Variants in LTBP1 observed in about 807,000 individuals in gnomAD.
LTBP1 encodes latent transforming growth factor beta binding protein 1, also known as latent-transforming growth factor beta-binding protein 1.
LTBP1 carries 129 observed loss-of-function variants against 207.6 expected under a neutral mutation model. The observed-to-expected ratio is 0.62, with a 90% CI of 0.54 to 0.72. The LOEUF (loss-of-function observed/expected upper bound fraction) is 0.72, where lower values mean the gene tolerates loss of function less well. LTBP1 is among the 30% of genes least tolerant of loss of function. The pLI, the probability that LTBP1 is intolerant of heterozygous loss-of-function variation, is 0.00. For missense variants in LTBP1, 2,281 were observed against 2,217.2 expected (o/e 1.03, Z -0.58); for synonymous variants, 963 against 833.7 (o/e 1.16, Z -2.67).
intron 32 of LTBP1, among the ~76,000 whole-genome samples, chr2:33,395,604 ACT>A (rs201563329): frequency 1.3e-5 from 2 of 152,026 alleles, no homozygotes; most frequent in East Asian, 3.9e-4. Flanking sequence ...TGTAAGAGAA[ACT>A]CTGACCAAAT....
At chr2:33,092,125 C>A (rs2079128873) in intron 3 of LTBP1, among the ~76,000 whole-genome samples, 1 of 152,118 alleles carries the variant, frequency 6.6e-6, no homozygotes, top group African/African-American at 2.4e-5. Flanking sequence ...AAATTATGGA[C>A]CCCTTTAACA....
chr2:33,177,786 G>T (rs2086209698), intron 5 of LTBP1, among the ~76,000 whole-genome samples: 1 of 152,210 alleles, frequency 6.6e-6, no homozygotes, highest in African/African-American at 2.4e-5. Context: ...TTAAGGCTCT[G>T]TAGCAATACA....
At chr2:33,070,539 C>T (rs1231750617) in intron 3 of LTBP1, among the ~76,000 whole-genome samples, 5 of 152,294 alleles carry the variant, frequency 3.3e-5, no homozygotes, top group African/African-American at 4.8e-5. Context: ...CTTTACTGTT[C>T]GGTGATTTTG....
intron 3 of LTBP1, among the ~76,000 whole-genome samples, chr2:33,062,557 C>A (rs1256058930): frequency 1.3e-5 from 2 of 152,046 alleles, no homozygotes; most frequent in African/African-American, 4.8e-5. Context: ...AAAAGAGTTT[C>A]TTTTCTCCGT....
chr2:32,979,344 C>T (rs1326564976), intron 2 of LTBP1, among the ~76,000 whole-genome samples: 1 of 151,528 alleles, frequency 6.6e-6, no homozygotes, highest in Admixed American at 6.6e-5. Context: ...ATAAATTTTC[C>T]TTTTAGTACT....
chr2:33,129,019 T>C (rs2081604190), intron 4 of LTBP1, among the ~76,000 whole-genome samples: 1 of 152,104 alleles, frequency 6.6e-6, no homozygotes, highest in Non-Finnish European at 1.5e-5. Flanking sequence ...ACAGGTGAGT[T>C]TTAAAAGTCA....
chr2:33,016,658 G>A (rs991493976), intron 2 of LTBP1, among the ~76,000 whole-genome samples: 15 of 152,044 alleles, frequency 9.9e-5, no homozygotes, highest in Admixed American at 6.6e-5. Context: ...TCATCGAGCT[G>A]AACCACAGCA....
At chr2:33,045,537 CAGGT>C (rs2076400464) in intron 3 of LTBP1, among the ~76,000 whole-genome samples, 1 of 152,164 alleles carries the variant, frequency 6.6e-6, no homozygotes, top group Non-Finnish European at 1.5e-5. Flanking sequence ...AGTTTGAAGT[CAGGT>C]AGCATGATGC....
intron 2 of LTBP1, among the ~76,000 whole-genome samples, chr2:32,967,686 T>C (rs1452224624): frequency 2.6e-5 from 4 of 152,216 alleles, no homozygotes; most frequent in African/African-American, 7.2e-5. Flanking sequence ...ATGGATATTA[T>C]ATGATTTTTA....
chr2:33,206,108 G>A (rs555383064), intron 7 of LTBP1, among the ~76,000 whole-genome samples: 1 of 152,326 alleles, frequency 6.6e-6, no homozygotes, highest in Non-Finnish European at 1.5e-5. Context: ...GGGGAAACAA[G>A]TGGCTCTTTG....
intron 31 of LTBP1, among the ~76,000 whole-genome samples, chr2:33,379,941 T>TA (rs1483090108): frequency 6.6e-6 from 1 of 152,186 alleles, no homozygotes; most frequent in Admixed American, 6.5e-5. Flanking sequence ...TATGAAGCTT[T>TA]AAAAAAATAA....
At chr2:32,979,364 G>C (rs1291707389) in intron 2 of LTBP1, among the ~76,000 whole-genome samples, 3 of 151,830 alleles carry the variant, frequency 2.0e-5, no homozygotes, top group African/African-American at 7.3e-5. Context: ...TGCTTTTGCT[G>C]TATCCCATAG....
At chr2:33,325,552 G>A (rs150334105) in intron 24 of LTBP1, among the ~76,000 whole-genome samples, 1,666 of 152,210 alleles carry the variant, frequency 0.011, 17 homozygotes, top group Admixed American at 0.017. Context: ...ATATAAATAC[G>A]TAAAACTATT....
intron 2 of LTBP1, among the ~76,000 whole-genome samples, chr2:32,953,474 A>G (rs909066294): frequency 6.6e-6 from 1 of 152,234 alleles, no homozygotes; most frequent in Non-Finnish European, 1.5e-5. Context: ...GGTCAGCTGG[A>G]GAATCTTGTC....
chr2:33,143,758 A>T (rs1389025330), intron 5 of LTBP1, among the ~76,000 whole-genome samples: 1 of 151,012 alleles, frequency 6.6e-6, no homozygotes, highest in African/African-American at 2.4e-5. Context: ...GTTCCATTTC[A>T]AACAGTTCTG....
chr2:33,317,042 A>G (rs1237425468), intron 24 of LTBP1, among the ~76,000 whole-genome samples: 1 of 152,236 alleles, frequency 6.6e-6, no homozygotes, highest in African/African-American at 2.4e-5. Flanking sequence ...TACTAAACAT[A>G]AATATATTCA....
chr2:33,240,642 ATTCTTTTTTTT>A (rs2092279958), intron 9 of LTBP1, among the ~76,000 whole-genome samples: 2 of 134,978 alleles, frequency 1.5e-5, no homozygotes, highest in African/African-American at 5.9e-5. Context: ...TGATGGAAAC[ATTCTTTTTTTT>A]TTTTTTTTTT....
chr2:33,145,474 A>G (rs1171495956), intron 5 of LTBP1, among the ~76,000 whole-genome samples: 1 of 152,248 alleles, frequency 6.6e-6, no homozygotes, highest in Non-Finnish European at 1.5e-5. Context: ...CAGTGAGGAA[A>G]GCAGACCACT....
At chr2:33,123,573 C>G (rs977873847) in intron 4 of LTBP1, among the ~76,000 whole-genome samples, 8 of 152,146 alleles carry the variant, frequency 5.3e-5, no homozygotes, top group Non-Finnish European at 1.0e-4. Context: ...GTCAGAGATC[C>G]CAGTTTCCAA....
Sources: allele counts gnomAD v4.1 joint callset (sites outside exome capture counted in the v4.1 genomes callset), GRCh38; gene constraint gnomAD v4.1.1; transcripts MANE v1.5; gene names NCBI Gene and HGNC (gene_info 2026-07-23, HGNC 2026-07-21).